Variants in OR52I2 observed in about 807,000 individuals in gnomAD.
OR52I2 encodes the protein olfactory receptor 52I2.
For missense variants in OR52I2, 350 were observed against 402.4 expected, an observed-to-expected ratio of 0.87 and a Z score of 1.11; for synonymous variants, 147 against 151.9, an observed-to-expected ratio of 0.97 and a Z score of 0.24.
At chr11:4,584,901 G>A (rs1169226240) in intron 1 of OR52I2, among the ~76,000 whole-genome samples, 1 of 152,166 alleles carries the variant, frequency 6.6e-6, no homozygotes, top group Non-Finnish European at 1.5e-5. Flanking sequence ...GATGCTACTT[G>A]CAGCAATCTA....
At chr11:4,587,241 G>A in exon 2 of OR52I2, 8 of 1,614,102 alleles carry the variant, frequency 5.0e-6, no homozygotes, top group Non-Finnish European at 6.8e-6. Flanking sequence ...TGGAGACGGG[G>A]CTGCTGCTGA....
At chr11:4,590,575 CT>C (rs749786179) in exon 2 of OR52I2, 2 of 152,148 alleles carry the variant, frequency 1.3e-5, no homozygotes, top group Non-Finnish European at 2.9e-5. Context: ...TCAGCATCAG[CT>C]GAGGCTGCCT....
chr11:4,584,652 A>G (rs1408608081), intron 1 of OR52I2, among the ~76,000 whole-genome samples: 1 of 151,254 alleles, frequency 6.6e-6, no homozygotes, highest in Non-Finnish European at 1.5e-5. Flanking sequence ...ATGAAGAAAC[A>G]AAAAAAAATA....
chr11:4,591,876 C>T (rs1043024655), exon 2 of OR52I2: 1 of 151,992 alleles, frequency 6.6e-6, no homozygotes, highest in Middle Eastern at 3.2e-3. Flanking sequence ...ACAAAGCAAA[C>T]AAAAAATCCT....
chr11:4,587,955 T>C (rs1846321465), exon 2 of OR52I2: 12 of 1,050,878 alleles, frequency 1.1e-5, no homozygotes, highest in Middle Eastern at 2.1e-4. Flanking sequence ...AATTCTAAGA[T>C]GAAGGTGTAA....
intron 1 of OR52I2, among the ~76,000 whole-genome samples, chr11:4,582,514 A>G (rs1301046110): frequency 7.7e-6 from 1 of 129,362 alleles, no homozygotes; most frequent in East Asian, 2.3e-4. Context: ...ATCTTGGCTC[A>G]CTGCAGCCTC....
At chr11:4,590,916 T>C (rs933277893) in exon 2 of OR52I2, 5 of 152,228 alleles carry the variant, frequency 3.3e-5, no homozygotes, top group Non-Finnish European at 2.9e-5. Context: ...ATCTGTGCCA[T>C]GATATAGTAT....
At chr11:4,591,790 TTTC>T (rs1156800833) in exon 2 of OR52I2, 1 of 152,226 alleles carries the variant, frequency 6.6e-6, no homozygotes, top group African/African-American at 2.4e-5. Context: ...TATGCTTGGC[TTTC>T]TTATTAGAGA....
chr11:4,582,681 C>A (rs1045491675), intron 1 of OR52I2, among the ~76,000 whole-genome samples: 6 of 151,944 alleles, frequency 3.9e-5, no homozygotes, highest in Non-Finnish European at 8.8e-5. Flanking sequence ...ACAATCCTAC[C>A]ACCTCGGCCT....
chr11:4,584,720 T>G (rs1401677646), intron 1 of OR52I2, among the ~76,000 whole-genome samples: 1 of 152,134 alleles, frequency 6.6e-6, no homozygotes, highest in African/African-American at 2.4e-5. Context: ...ATGGGACAGA[T>G]AGTGGGCTCC....
intron 1 of OR52I2, among the ~76,000 whole-genome samples, chr11:4,582,621 A>G (rs1229827140): frequency 4.0e-5 from 6 of 151,504 alleles, no homozygotes; most frequent in Non-Finnish European, 8.8e-5. Context: ...TTGTATTTTT[A>G]GTAGAGACGG....
exon 2 of OR52I2, chr11:4,589,608 G>A (rs1589844190): frequency 6.6e-6 from 1 of 152,160 alleles, no homozygotes; most frequent in Non-Finnish European, 1.5e-5. Context: ...AGGAAAGGTG[G>A]GAGAGAGAAT....
chr11:4,582,362 A>T (rs1303430258), intron 1 of OR52I2, among the ~76,000 whole-genome samples: 1 of 151,686 alleles, frequency 6.6e-6, no homozygotes, highest in Admixed American at 6.6e-5. Context: ...AAATCCTCAC[A>T]GGTCTTGTGC....
chr11:4,587,123 C>T (rs749627578), exon 2 of OR52I2: 5 of 1,614,176 alleles, frequency 3.1e-6, no homozygotes, highest in South Asian at 1.1e-5. Flanking sequence ...ATTGTTATGG[C>T]CTCCTCGGTG....
chr11:4,591,376 C>T (rs1846349419), exon 2 of OR52I2: 1 of 152,128 alleles, frequency 6.6e-6, no homozygotes, highest in African/African-American at 2.4e-5. Flanking sequence ...GCAGGCTGGT[C>T]TTGAGGCTTG....
At chr11:4,583,524 G>T (rs565084710) in intron 1 of OR52I2, among the ~76,000 whole-genome samples, 1 of 152,092 alleles carries the variant, frequency 6.6e-6, no homozygotes, top group Non-Finnish European at 1.5e-5. Flanking sequence ...GAACACATGC[G>T]GCAGTTTCAA....
chr11:4,583,282 C>CAAAA (rs1564859222), intron 1 of OR52I2, among the ~76,000 whole-genome samples: 1 of 150,704 alleles, frequency 6.6e-6, no homozygotes, highest in African/African-American at 2.4e-5. Flanking sequence ...AAAAAAAAAC[C>CAAAA]CACCACTCTC....
exon 2 of OR52I2, chr11:4,590,183 T>C (rs1476306165): frequency 6.6e-6 from 1 of 152,206 alleles, no homozygotes; most frequent in Non-Finnish European, 1.5e-5. Context: ...TATCAGGCTA[T>C]CTATCTGAGA....
exon 2 of OR52I2, chr11:4,591,660 G>GA (rs1052641063): frequency 6.6e-6 from 1 of 152,074 alleles, no homozygotes; most frequent in African/African-American, 2.4e-5. Context: ...GAGAACAATA[G>GA]AAAAAATATT....
Sources: allele counts gnomAD v4.1 joint callset (sites outside exome capture counted in the v4.1 genomes callset), GRCh38; gene constraint gnomAD v4.1.1; transcripts MANE v1.5; gene names NCBI Gene and HGNC (gene_info 2026-07-23, HGNC 2026-07-21).